PALS1: variants seen among roughly 807,000 people sequenced by gnomAD.
The protein encoded by PALS1 is protein associated with LIN7 1, MAGUK p55 family member, also known as protein PALS1.
PALS1 carries 31 observed loss-of-function variants against 78.9 expected under a neutral mutation model. The observed-to-expected ratio is 0.39, with a 90% CI of 0.30 to 0.53. The LOEUF (loss-of-function observed/expected upper bound fraction) is 0.53, where lower values mean the gene tolerates loss of function less well. PALS1 is among the 20% of genes least tolerant of loss of function. The pLI, the probability that PALS1 is intolerant of heterozygous loss-of-function variation, is 0.67. For missense variants in PALS1, 704 were observed against 826.5 expected, an observed-to-expected ratio of 0.85 and a Z score of 1.82; for synonymous variants, 276 against 270.9, an observed-to-expected ratio of 1.02 and a Z score of -0.18.
chr14:67,323,228 T>C (rs1431940974), intron 13 of PALS1, among the ~76,000 whole-genome samples: 3 of 104,844 alleles, frequency 2.9e-5, no homozygotes, highest in African/African-American at 1.3e-4. Context: ...TACACATATA[T>C]ACACGTGTGT....
intron 1 of PALS1, chr14:67,242,088 T>C (rs1203115874): frequency 1.3e-5 from 2 of 152,254 alleles, no homozygotes; most frequent in African/African-American, 4.8e-5. Flanking sequence ...TCTGATACTT[T>C]AAGGTTGCAC....
intron 1 of PALS1, among the ~76,000 whole-genome samples, chr14:67,266,537 G>C (rs994420284): frequency 2.0e-5 from 3 of 151,964 alleles, no homozygotes; most frequent in African/African-American, 7.2e-5. Flanking sequence ...TGTTGGCCAG[G>C]CTGGTCTCAA....
chr14:67,330,728 G>C lies in PALS1; in HGVS notation c.1852-2052G>C, dbSNP rs2085435279. Reference sequence around the variant, plus strand: ...CTGCCTCAGCCTTCCAAAGTGCTGGGATTATGGGCCTGAGCCCCCGGCACC... The same window carrying C: ...CTGCCTCAGCCTTCCAAAGTGCTGGCATTATGGGCCTGAGCCCCCGGCACC... On this transcript the variant is annotated intron_variant, in intron 14 of 14. Transcript: ENST00000261681. 2.0e-5 allele frequency among the ~76,000 whole-genome samples: 3 copies of C among 148,878 alleles called. No homozygotes were observed. The Admixed American group carries it at 2.0e-4, about 10-fold the overall frequency.
intron 1 of PALS1, among the ~76,000 whole-genome samples, chr14:67,242,778 C>G (rs2083923885): frequency 6.6e-6 from 1 of 152,136 alleles, no homozygotes; most frequent in African/African-American, 2.4e-5. Flanking sequence ...ATTATTTTAT[C>G]TTTAAAAATC....
chr14:67,322,404 A>G (rs113971184), intron 13 of PALS1, among the ~76,000 whole-genome samples: 1,606 of 152,262 alleles, frequency 0.011, 27 homozygotes, highest in African/African-American at 0.036. Flanking sequence ...AGAAACTCCA[A>G]ATGTTACGGA....
intron 3 of PALS1, among the ~76,000 whole-genome samples, chr14:67,291,541 C>A (rs1176073987): frequency 6.6e-6 from 1 of 152,142 alleles, no homozygotes; most frequent in Non-Finnish European, 1.5e-5. Context: ...TCTGGGCCTC[C>A]CAGAGTGCTG....
intron 3 of PALS1, among the ~76,000 whole-genome samples, chr14:67,280,906 T>TC (rs2084600441): frequency 6.8e-6 from 1 of 146,128 alleles, no homozygotes; most frequent in Non-Finnish European, 1.5e-5. Flanking sequence ...TTTCTTTCTT[T>TC]TTTTTTTTGA....
At chr14:67,296,661 A>G (rs1235106550) in intron 4 of PALS1, among the ~76,000 whole-genome samples, 2 of 151,138 alleles carry the variant, frequency 1.3e-5, no homozygotes, top group Non-Finnish European at 3.0e-5. Context: ...AATTTATGCT[A>G]TGATGGATTA....
chr14:67,313,917 T>TACGTTAA (rs937913939), intron 9 of PALS1, among the ~76,000 whole-genome samples: 18 of 151,550 alleles, frequency 1.2e-4, no homozygotes, highest in African/African-American at 3.9e-4. Context: ...CCAGATAATA[T>TACGTTAA]ATGTTAAATT....
intron 3 of PALS1, among the ~76,000 whole-genome samples, chr14:67,282,242 A>G (rs1312212480): frequency 6.6e-6 from 1 of 152,124 alleles, no homozygotes; most frequent in East Asian, 1.9e-4. Flanking sequence ...ATCAAACTGT[A>G]AGAGAAGTAC....
intron 1 of PALS1, among the ~76,000 whole-genome samples, chr14:67,242,954 T>C (rs2083926025): frequency 6.6e-6 from 1 of 152,186 alleles, no homozygotes; most frequent in African/African-American, 2.4e-5. Context: ...GTTTAGCTTT[T>C]ACATGATCTT....
intron 14 of PALS1, among the ~76,000 whole-genome samples, chr14:67,329,473 T>G (rs2085408805): frequency 6.6e-6 from 1 of 152,160 alleles, no homozygotes; most frequent in South Asian, 2.1e-4. Context: ...CTTTATTTCT[T>G]TCTCCTGCCT....
At chr14:67,265,174 A>C (rs1014863030) in intron 1 of PALS1, among the ~76,000 whole-genome samples, 1 of 152,224 alleles carries the variant, frequency 6.6e-6, no homozygotes, top group African/African-American at 2.4e-5. Flanking sequence ...TGACAAATGA[A>C]GGTACTTTGA....
rs1256515661 is a variant in PALS1 at position 67,334,278 on chromosome 14, G to C, written c.*1322G>C. ...ATAGGATTTTCGTACTGTCTCTATAGCTGTAGCTTTAAAATTCAACGTATA... is the reference window on the plus strand; with the variant it reads ...ATAGGATTTTCGTACTGTCTCTATACCTGTAGCTTTAAAATTCAACGTATA... On this transcript the variant is annotated 3_prime_UTR_variant, in exon 15 of 15. Coordinates refer to ENST00000261681, the MANE Select transcript of PALS1 (RefSeq NM_022474.4). 2 of 152,576 alleles carry C rather than the reference G, an allele frequency of 1.3e-5. No homozygotes were observed. The highest frequency in any genetic ancestry group is 2.9e-5 in the Non-Finnish European group (2 of 68,012). 9.5% of individuals were successfully genotyped at this position (152,576 alleles called of 1,614,324 possible).
intron 9 of PALS1, among the ~76,000 whole-genome samples, chr14:67,313,646 G>A (rs1021162959): frequency 2.0e-5 from 3 of 152,014 alleles, no homozygotes; most frequent in Admixed American, 6.6e-5. Context: ...TAGAGTAAAG[G>A]GATAATAATT....
intron 1 of PALS1, among the ~76,000 whole-genome samples, chr14:67,264,927 G>A (rs1483748909): frequency 6.6e-6 from 1 of 151,982 alleles, no homozygotes; most frequent in African/African-American, 2.4e-5. Context: ...GAATTGTCAG[G>A]AATCATATTT....
rs556086688 is a variant in PALS1, at chr14:67,307,242, C to A, written c.1041+3643C>A. 4.0e-5 allele frequency among the ~76,000 whole-genome samples: 6 copies of A among 151,674 alleles called. No individual in the cohort carries two copies. The South Asian group carries it at 1.2e-3, about 32-fold the overall frequency. ...AAACGTACAGTTTCCTTCTCTCGGC[C>A]TTTTTAAAAAAAGGAAGGATTGGAT... On this transcript the variant is annotated intron_variant, in intron 8 of 14. Transcript: ENST00000261681.
At chr14:67,330,582 C>A (rs1371506409) in intron 14 of PALS1, among the ~76,000 whole-genome samples, 1 of 151,692 alleles carries the variant, frequency 6.6e-6, no homozygotes, top group African/African-American at 2.4e-5. Context: ...CCTCAGCCTC[C>A]CGAGTAGCTG....
At chr14:67,294,871 A>G (rs979996009) in intron 4 of PALS1, 4 of 151,972 alleles carry the variant, frequency 2.6e-5, no homozygotes, top group South Asian at 2.1e-4. Flanking sequence ...ATGGGGTTTC[A>G]CCGTGTTAGC....
Sources: allele counts gnomAD v4.1 joint callset (sites outside exome capture counted in the v4.1 genomes callset), GRCh38; gene constraint gnomAD v4.1.1; transcripts MANE v1.5; gene names NCBI Gene and HGNC (gene_info 2026-07-23, HGNC 2026-07-21).